SPATA6: variants seen among roughly 807,000 people sequenced by gnomAD.
The protein encoded by SPATA6 is spermatogenesis-associated protein 6.
SPATA6 carries 56 observed loss-of-function variants against 65.3 expected under a neutral mutation model. The ratio of observed to expected loss-of-function variants is 0.86; its 90% CI spans 0.69 to 1.07. The LOEUF is 1.07. SPATA6 is among the 50% of genes least tolerant of loss of function. SPATA6 has a pLI of 0.00. For missense variants in SPATA6, 590 were observed against 594.8 expected, an observed-to-expected ratio of 0.99 and a Z score of 0.08; for synonymous variants, 199 against 213.2, an observed-to-expected ratio of 0.93 and a Z score of 0.58.
intron 11 of SPATA6, 151 bp from the exon 12 acceptor site, chr1:48,306,029 A>T (rs1400657163): frequency 3.3e-6 from 2 of 598,810 alleles, no homozygotes; most frequent in Middle Eastern, 2.7e-4. Flanking sequence ...GGGGGGAAAA[A>T]GGTTAAGTGA....
chr1:48,434,797 T>C (rs1441106396), intron 3 of SPATA6, among the ~76,000 whole-genome samples: 2 of 152,190 alleles, frequency 1.3e-5, no homozygotes, highest in East Asian at 1.9e-4. Flanking sequence ...TAGAAAACTT[T>C]TTCATTCTCT....
intron 1 of SPATA6, among the ~76,000 whole-genome samples, chr1:48,461,437 G>A (rs1488349843): frequency 2.0e-5 from 3 of 152,028 alleles, no homozygotes; most frequent in Non-Finnish European, 4.4e-5. Flanking sequence ...GAATGGTAAT[G>A]CCTAGGTTTT....
intron 5 of SPATA6, among the ~76,000 whole-genome samples, chr1:48,410,003 T>A (rs111320401): frequency 0.015 from 2,245 of 152,372 alleles, 54 homozygotes; most frequent in African/African-American, 0.051. Context: ...CTTATGCAAA[T>A]TTCTACAGCT....
At chr1:48,417,094 C>A (rs1652851300) in intron 3 of SPATA6, among the ~76,000 whole-genome samples, 1 of 151,964 alleles carries the variant, frequency 6.6e-6, no homozygotes, top group Non-Finnish European at 1.5e-5. Context: ...GAGTTCTGAG[C>A]CACTGCAATA....
chr1:48,278,243 C>A, the SPATA6 span, among the ~76,000 whole-genome samples: 32,550 of 151,974 alleles, frequency 0.21, 3,668 homozygotes, highest in Admixed American at 0.28. Context: ...AAAAACAGAA[C>A]AGAAAAACTG....
At chr1:48,462,148 A>C (rs1263785403) in intron 1 of SPATA6, among the ~76,000 whole-genome samples, 1 of 152,016 alleles carries the variant, frequency 6.6e-6, no homozygotes, top group Non-Finnish European at 1.5e-5. Flanking sequence ...GAACAATGAG[A>C]ACACATGGAC....
chr1:48,405,437 G>A (rs769974259), intron 5 of SPATA6, among the ~76,000 whole-genome samples: 3 of 152,188 alleles, frequency 2.0e-5, no homozygotes, highest in Admixed American at 6.5e-5. Context: ...GAAATTTCTC[G>A]TGAAATTGTG....
intron 3 of SPATA6, among the ~76,000 whole-genome samples, chr1:48,449,918 T>C (rs1435895384): frequency 1.3e-5 from 2 of 152,170 alleles, no homozygotes; most frequent in South Asian, 2.1e-4. Flanking sequence ...AGAGTGAACA[T>C]GTAATAAGAT....
intron 9 of SPATA6, among the ~76,000 whole-genome samples, chr1:48,378,319 A>G (rs1000111233): frequency 6.6e-6 from 1 of 152,204 alleles, no homozygotes; most frequent in Non-Finnish European, 1.5e-5. Context: ...CAAAATATTT[A>G]ATAAAACTAT....
chr1:48,368,393 T>C (rs1296919463), intron 9 of SPATA6, among the ~76,000 whole-genome samples: 1 of 152,226 alleles, frequency 6.6e-6, no homozygotes, highest in Non-Finnish European at 1.5e-5. Context: ...AGAGTGTTTT[T>C]CAACTTGGTT....
chr1:48,471,934 G>C, intron 1 of SPATA6, 24 bp downstream of exon 1: 8 of 1,609,676 alleles, frequency 5.0e-6, no homozygotes, highest in East Asian at 2.2e-5. Context: ...ATGCCCGGGG[G>C]TGGGAGGCGC....
the SPATA6 span, among the ~76,000 whole-genome samples, chr1:48,273,052 C>T: frequency 6.6e-6 from 1 of 152,036 alleles, no homozygotes; most frequent in African/African-American, 2.4e-5. Flanking sequence ...ATCTTTTTTC[C>T]TCATTCCGAA....
In SPATA6 at chr1:48,471,975, C is replaced by G. The variant is rs1570673347; in HGVS notation, c.34G>C (p.Ala12Pro). 1 of 1,601,730 alleles carries G rather than the reference C, an allele frequency of 6.2e-7. No individual in the cohort carries two copies. The highest frequency in any genetic ancestry group is 8.5e-7 in the Non-Finnish European group (1 of 1,175,814). The change falls in exon 1 of 13, where the codon GCG (alanine) becomes CCG (proline). Residue 12 changes from alanine (A) to proline (P), a missense_variant. Coordinates refer to ENST00000371847, the MANE Select transcript of SPATA6 (RefSeq NM_019073.4). ...GTACTCACTGAGCTGATCTCCAGCG[C>G]CAGGGCGCACTGCAGCGCCTTCACC... ...PKVKALQCAL[A>P]LEISSVTCPG...
chr1:48,467,975 A>T (rs1400136830), intron 1 of SPATA6, among the ~76,000 whole-genome samples: 1 of 152,218 alleles, frequency 6.6e-6, no homozygotes, highest in African/African-American at 2.4e-5. Context: ...TACAAAAAGC[A>T]TATTTCCTCA....
At chr1:48,323,708 TAG>T (rs901040859) in intron 11 of SPATA6, among the ~76,000 whole-genome samples, 2 of 150,302 alleles carry the variant, frequency 1.3e-5, no homozygotes, top group African/African-American at 4.9e-5. Context: ...AAAGGATCAT[TAG>T]AGGATACTAC....
intron 12 of SPATA6, among the ~76,000 whole-genome samples, chr1:48,301,044 C>A (rs1334204607): frequency 6.6e-6 from 1 of 151,732 alleles, no homozygotes; most frequent in Non-Finnish European, 1.5e-5. Context: ...CTAGCCAGAG[C>A]AATTAGGCAA....
At chr1:48,378,842 G>A (rs1223323575) in intron 9 of SPATA6, among the ~76,000 whole-genome samples, 1 of 152,124 alleles carries the variant, frequency 6.6e-6, no homozygotes, top group Admixed American at 6.5e-5. Context: ...CAACCTAATT[G>A]CCTATCAATT....
intron 6 of SPATA6, among the ~76,000 whole-genome samples, chr1:48,401,369 T>C (rs1180930377): frequency 1.3e-5 from 2 of 152,080 alleles, no homozygotes; most frequent in Admixed American, 6.6e-5. Flanking sequence ...CTAGAGAAAG[T>C]TATAAATTAC....
At chr1:48,320,585 ACAG>A (rs1645572856) in intron 11 of SPATA6, among the ~76,000 whole-genome samples, 1 of 152,264 alleles carries the variant, frequency 6.6e-6, no homozygotes, top group African/African-American at 2.4e-5. Context: ...GACTTCGTCA[ACAG>A]CAGACCTGTC....
Sources: gnomAD v4.1 joint callset for allele counts (sites outside exome capture counted in the v4.1 genomes callset) on GRCh38, gnomAD v4.1.1 for gene constraint, MANE v1.5 for transcripts, NCBI Gene and HGNC (gene_info 2026-07-23, HGNC 2026-07-21) for gene names.